The following GLS variants were observed in gnomAD, a reference collection of about 807,000 sequenced individuals.
GLS encodes the protein glutaminase kidney isoform, mitochondrial.
A neutral mutation model predicts 86.7 loss-of-function variants in GLS; 36 were observed. The observed-to-expected ratio is 0.42, with a 90% CI of 0.32 to 0.55. GLS has a LOEUF of 0.55. GLS is among the 20% of genes least tolerant of loss of function. GLS has a pLI of 0.17. For missense variants in GLS, 528 were observed against 833.4 expected (o/e 0.63, Z 4.51); for synonymous variants, 317 against 305.9 (o/e 1.04, Z -0.38).
chr2:190,889,517 A>G (rs899298380), intron 1 of GLS, among the ~76,000 whole-genome samples: 1 of 152,206 alleles, frequency 6.6e-6, no homozygotes, highest in Non-Finnish European at 1.5e-5. Context: ...ATTCTGAACA[A>G]GTTGTCTATA....
Position 190,951,238 on chromosome 2 carries a change from G to A in GLS, c.1651-2327G>A, listed in dbSNP as rs1182874419. Among the ~76,000 whole-genome samples, 2 of 152,148 alleles carry A rather than the reference G, an allele frequency of 1.3e-5. No individual in the cohort carries two copies. Among genetic ancestry groups the A allele is most frequent in the Non-Finnish European group, 2.9e-5 (2 of 68,028 alleles). ...CATGGAAGGCAAGTCGTGAGAGGGT[G>A]GAGGGTGCTGGGGGGATCTGAAGGA... On this transcript the variant is annotated intron_variant, in intron 14 of 17. Coordinates refer to ENST00000320717, the MANE Select transcript of GLS (RefSeq NM_014905.5). The surrounding 1 kb of genome is among the most constrained non-coding windows in gnomAD (Gnocchi z 4.2).
intron 17 of GLS, among the ~76,000 whole-genome samples, chr2:190,960,338 G>A (rs1690968661): frequency 2.1e-5 from 3 of 143,010 alleles, no homozygotes; most frequent in South Asian, 4.6e-4. Flanking sequence ...GCTGTATTGT[G>A]TTTCTGTTTA....
rs1689845623 is a variant in GLS, at chr2:190,924,749, T to C, written c.1248+156T>C. ...GGCCAACATGGTGAAACCCCATCTC[T>C]ACTAAAAATACAAAAATTATTCGGG... is the stretch of plus-strand genomic sequence containing the variant. On this transcript the variant is annotated intron_variant, in intron 11 of 17. Coordinates refer to ENST00000320717, the MANE Select transcript of GLS (RefSeq NM_014905.5). The surrounding 1 kb of genome is among the most constrained non-coding windows in gnomAD (Gnocchi z 5.2). 1.8e-6 allele frequency: 1 copy of C among 548,212 alleles called. No individual in the cohort carries two copies. Among genetic ancestry groups the C allele is most frequent in the Middle Eastern group, 5.0e-4 (1 of 1,990 alleles). The allele number at this position is 548,212 out of a possible 1,614,324, so 34.0% of individuals were successfully genotyped here.
rs113769409 is a variant in GLS, at chr2:190,930,490, C to G, written c.1479C>G (p.Pro493=). 3.0e-5 allele frequency: 48 copies of G among 1,610,652 alleles called. 1 individual carries two copies. The African/African-American group carries it at 3.6e-4, about 12-fold the overall frequency. ...GVAGGILLVV[P]NVMGMMCWSP... ...CTGGGGGCATTCTTTTAGTTGTCCC[C>G]AATGTTATGGGTATGATGTGCTGGT... Residue 493 remains proline (P), a synonymous_variant, in exon 13 of 18, where the codon CCC becomes CCG. Coordinates refer to ENST00000320717, the MANE Select transcript of GLS (RefSeq NM_014905.5). The surrounding 1 kb of genome is among the most constrained non-coding windows in gnomAD (Gnocchi z 5.0).
chr2:190,952,807 G>C (rs892779317), intron 14 of GLS, among the ~76,000 whole-genome samples: 1 of 152,192 alleles, frequency 6.6e-6, no homozygotes, highest in African/African-American at 2.4e-5. Context: ...CATAGATAGG[G>C]ATGGATAAAG....
intron 1 of GLS, among the ~76,000 whole-genome samples, chr2:190,884,301 T>C (rs1222297623): frequency 1.3e-5 from 2 of 152,250 alleles, no homozygotes; most frequent in African/African-American, 2.4e-5. Flanking sequence ...TCCAAAGCTC[T>C]GTTCTTAAAT....
At chr2:190,882,814 C>A (rs1045051782) in intron 1 of GLS, among the ~76,000 whole-genome samples, 1 of 152,188 alleles carries the variant, frequency 6.6e-6, no homozygotes, top group East Asian at 1.9e-4. Flanking sequence ...TGACTTAAAT[C>A]CTTTCAAGTT....
intron 6 of GLS, among the ~76,000 whole-genome samples, chr2:190,908,616 AAATT>A (rs1053768363): frequency 2.0e-5 from 3 of 152,228 alleles, no homozygotes; most frequent in Non-Finnish European, 4.4e-5. Flanking sequence ...TAAAAATTCT[AAATT>A]AAACCCATCA....
chr2:190,923,758 G>A (rs983498529), intron 9 of GLS, among the ~76,000 whole-genome samples, 159 bp from the exon 10 acceptor site: 1 of 152,182 alleles, frequency 6.6e-6, no homozygotes, highest in Non-Finnish European at 1.5e-5. Flanking sequence ...CTTGTCCAAA[G>A]TCACACAAAT....
intron 5 of GLS, among the ~76,000 whole-genome samples, chr2:190,904,143 G>T (rs1006796616): frequency 2.6e-5 from 4 of 151,456 alleles, no homozygotes; most frequent in Non-Finnish European, 5.9e-5. Flanking sequence ...AAAACTGGAT[G>T]CTTTTTTTTT....
In GLS at chr2:190,905,593, G is replaced by T. The variant is rs1460454668; in HGVS notation, c.979+426G>T. On this transcript the variant is annotated intron_variant, in intron 6 of 17. Transcript: ENST00000320717. This position sits in a 1 kb window ranked among gnomAD's most constrained non-coding sequence, Gnocchi z 4.6. ...AGTTGAAAGTTTTATTGTGGCCCTG[G>T]TTGAGATAGTGAGGATTATTATTTT... 1.3e-5 allele frequency among the ~76,000 whole-genome samples: 2 copies of T among 151,982 alleles called. No individual in the cohort carries two copies. Among genetic ancestry groups the T allele is most frequent in the African/African-American group, 4.8e-5 (2 of 41,414 alleles).
At chr2:190,925,535 C>G (rs1397800197) in intron 11 of GLS, among the ~76,000 whole-genome samples, 1 of 152,206 alleles carries the variant, frequency 6.6e-6, no homozygotes, top group Admixed American at 6.5e-5. Context: ...AGATTTAACA[C>G]AGTTGGTGCC....
Position 190,881,302 on chromosome 2 carries a change from C to T in GLS, c.218C>T (p.Ser73Phe), listed in dbSNP as rs868629773. 18 of 1,491,164 alleles carry T rather than the reference C, an allele frequency of 1.2e-5. No homozygotes were observed. The highest frequency in any genetic ancestry group is 1.5e-5 in the Non-Finnish European group (17 of 1,120,814). The allele number at this position is 1,491,164 out of a possible 1,614,324, so 92.4% of individuals were successfully genotyped here. A position where few individuals can be genotyped will look rare whatever the true frequency, so the allele number is the denominator to read the frequency against. ...GCGGAGCCCCTCGCGCGGGGCCTGT[C>T]CAGCTCTCCTTCGGAGATCTTGCAG... is the stretch of plus-strand genomic sequence containing the variant. ...WPAEPLARGL[S>F]SSPSEILQEL... Residue 73 changes from serine (S) to phenylalanine (F), a missense_variant, in exon 1 of 18, where the codon TCC (serine) becomes TTC (phenylalanine). Around this residue, in one of 4 missense-constraint regions of GLS, gnomAD observed 224 missense variants for 187.9 expected, o/e 1.19. Transcript: ENST00000320717.
Position 190,895,825 on chromosome 2 carries a change from G to A in GLS, c.605+100G>A, listed in dbSNP as rs920836870. On this transcript the variant is annotated intron_variant, in intron 3 of 17. Transcript: ENST00000320717. The surrounding 1 kb of genome is among the most constrained non-coding windows in gnomAD (Gnocchi z 4.2). ...ATCTTTGAAGGCCACTGCTTCCTGTGTAATGGAAAAAGGGGATTTATAAAC... is the reference window on the plus strand; with the variant it reads ...ATCTTTGAAGGCCACTGCTTCCTGTATAATGGAAAAAGGGGATTTATAAAC... 16 of 839,538 alleles carry A rather than the reference G, an allele frequency of 1.9e-5. No homozygotes were observed. The highest frequency in any genetic ancestry group is 5.1e-5 in the African/African-American group (3 of 59,174). The allele number at this position is 839,538 out of a possible 1,614,324, so 52.0% of individuals were successfully genotyped here.
In GLS at chr2:190,880,878, A is replaced by AGCG. The variant is rs878875212; in HGVS notation, c.-205_-204insGGC. ...GGTCGCGGCAATCCTAGCGCGCAGC[A>AGCG]GCAGCAGCAGCAGCAGCAGCAGCAG... On this transcript the variant is annotated 5_prime_UTR_variant, in exon 1 of 18. Coordinates refer to ENST00000320717, the MANE Select transcript of GLS (RefSeq NM_014905.5). 1 of 211,810 alleles carries AGCG rather than the reference A, an allele frequency of 4.7e-6. No homozygotes were observed. The highest frequency in any genetic ancestry group is 1.5e-4 in the African/African-American group (1 of 6,668). The allele number at this position is 211,810 out of a possible 1,614,324, so 13.1% of individuals were successfully genotyped here. A position where few individuals can be genotyped will look rare whatever the true frequency, so the allele number is the denominator to read the frequency against.
At chr2:190,881,810 G>A (rs1394179365) in intron 1 of GLS, 1 of 224,484 alleles carries the variant, frequency 4.5e-6, no homozygotes, top group Admixed American at 5.9e-5. Flanking sequence ...CCTGGCTTGC[G>A]GCTGCAGCGC....
rs7602927 is a variant in GLS, at chr2:190,920,905, A to G, written c.1039-119A>G. The G allele has an allele frequency of 1.1e-3, 673 of 585,354 alleles. 6 individuals are homozygous for G. Among genetic ancestry groups the G allele is most frequent in the African/African-American group, 0.011 (581 of 53,574 alleles). 36.3% of individuals were successfully genotyped at this position (585,354 alleles called of 1,614,324 possible). A position where few individuals can be genotyped will look rare whatever the true frequency, so the allele number is the denominator to read the frequency against. On this transcript the variant is annotated intron_variant, in intron 7 of 17. Coordinates refer to ENST00000320717, the MANE Select transcript of GLS (RefSeq NM_014905.5). The surrounding 1 kb of genome is among the most constrained non-coding windows in gnomAD (Gnocchi z 4.2). ...TTAAATTACTTTAGAACTATTTCCTAGATTTAAAAATACTAATGCAGTATA... is the reference window on the plus strand; with the variant it reads ...TTAAATTACTTTAGAACTATTTCCTGGATTTAAAAATACTAATGCAGTATA...
chr2:190,924,630 G>A lies in GLS; in HGVS notation c.1248+37G>A, dbSNP rs763125758. 4.3e-6 allele frequency: 5 copies of A among 1,165,008 alleles called. No individual in the cohort carries two copies. The highest frequency in any genetic ancestry group is 1.2e-5 in the South Asian group (1 of 81,602). 72.2% of individuals were successfully genotyped at this position (1,165,008 alleles called of 1,614,324 possible). A position where few individuals can be genotyped will look rare whatever the true frequency, so the allele number is the denominator to read the frequency against. ...ATGTAAATCGTATATATAAATGGAT[G>A]TGTCGGCTGGGCACGGTGGCTCACG... On this transcript the variant is annotated intron_variant, in intron 11 of 17. Transcript: ENST00000320717. This position sits in a 1 kb window ranked among gnomAD's most constrained non-coding sequence, Gnocchi z 5.2.
Position 190,943,227 on chromosome 2 carries a change from T to A in GLS, c.1651-10338T>A, listed in dbSNP as rs1690493895. Among the ~76,000 whole-genome samples the A allele has an allele frequency of 6.6e-6, 1 of 152,194 alleles. No individual in the cohort carries two copies. Among genetic ancestry groups the A allele is most frequent in the Non-Finnish European group, 1.5e-5 (1 of 68,034 alleles). On this transcript the variant is annotated intron_variant, in intron 14 of 17. Transcript: ENST00000320717. The surrounding 1 kb of genome is among the most constrained non-coding windows in gnomAD (Gnocchi z 4.5). ...TATTTGTGAGATATCTAAGTAGTGATGTTGAGTAAGCAGTCAGATTTAGGC... is the reference window on the plus strand; with the variant it reads ...TATTTGTGAGATATCTAAGTAGTGAAGTTGAGTAAGCAGTCAGATTTAGGC...
Sources: allele counts gnomAD v4.1 joint callset (sites outside exome capture counted in the v4.1 genomes callset), GRCh38; gene constraint gnomAD v4.1.1; regional missense constraint gnomAD v4.1.1; non-coding constraint Gnocchi (gnomAD v3.1); transcripts MANE v1.5; gene names NCBI Gene and HGNC (gene_info 2026-07-23, HGNC 2026-07-21).